Variants in KIAA2012 observed in about 807,000 individuals in gnomAD.
The protein encoded by KIAA2012 is uncharacterized protein KIAA2012.
Under a neutral mutation model 150.6 loss-of-function variants are expected in KIAA2012, and 125 were observed. That is an observed-to-expected ratio of 0.83 (90% CI 0.72 to 0.96). KIAA2012 has a LOEUF of 0.96. Ranked by LOEUF, KIAA2012 falls within the 40% of genes least tolerant of loss-of-function variation. The pLI is 0.00. For synonymous variants in KIAA2012, 462 were observed against 504.7 expected (o/e 0.92, Z 1.13); for missense variants, 1,219 against 1,354.9 (o/e 0.90, Z 1.57).
chr2:202,112,270 A>G (rs1369052760), intron 10 of KIAA2012, among the ~76,000 whole-genome samples: 2 of 152,198 alleles, frequency 1.3e-5, no homozygotes, highest in South Asian at 2.1e-4. Flanking sequence ...TTAGCTGTTG[A>G]CCACGAATTG....
intron 22 of KIAA2012, chr2:202,201,805 G>C: frequency 7.7e-7 from 1 of 1,300,718 alleles, no homozygotes; most frequent in East Asian, 2.3e-5. Flanking sequence ...TGAGAAAGAT[G>C]CAAGGTCTGA....
chr2:202,113,750 GC>G (rs1195739157), intron 11 of KIAA2012: 1 of 283,076 alleles, frequency 3.5e-6, no homozygotes, highest in Non-Finnish European at 6.7e-6. Flanking sequence ...TTTGGTATTT[GC>G]CCAAACTAAA....
chr2:202,192,550 C>T (rs538236055), intron 19 of KIAA2012, among the ~76,000 whole-genome samples: 147 of 151,664 alleles, frequency 9.7e-4, no homozygotes, highest in African/African-American at 3.1e-3. Flanking sequence ...CTCTGCCTCC[C>T]GGGTTCAAGC....
intron 14 of KIAA2012, among the ~76,000 whole-genome samples, chr2:202,164,331 G>A (rs1183278827): frequency 2.6e-5 from 4 of 152,182 alleles, no homozygotes; most frequent in African/African-American, 9.7e-5. Context: ...ACTCACCCTA[G>A]AAGCCTTAAA....
intron 19 of KIAA2012, among the ~76,000 whole-genome samples, chr2:202,191,101 AGCCC>A (rs1303985042): frequency 5.9e-5 from 9 of 152,010 alleles, no homozygotes; most frequent in Non-Finnish European, 1.5e-5. Context: ...ACATAGGGAA[AGCCC>A]GTTTCTACTA....
At chr2:202,136,510 C>T (rs1691064959) in intron 12 of KIAA2012, 1 of 152,578 alleles carries the variant, frequency 6.6e-6, no homozygotes. Context: ...CCCACCCCAC[C>T]CAGAAGCCCA....
At chr2:202,171,600 C>G (rs1239743094) in intron 15 of KIAA2012, among the ~76,000 whole-genome samples, 2 of 151,954 alleles carry the variant, frequency 1.3e-5, no homozygotes, top group South Asian at 4.1e-4. Context: ...CTTTTCCTCT[C>G]TGTGGTGGCT....
At chr2:202,148,950 T>C (rs911348075) in intron 13 of KIAA2012, among the ~76,000 whole-genome samples, 1 of 152,144 alleles carries the variant, frequency 6.6e-6, no homozygotes, top group Non-Finnish European at 1.5e-5. Flanking sequence ...CAGCCCCACG[T>C]CTGGCCCCAT....
intron 11 of KIAA2012, among the ~76,000 whole-genome samples, chr2:202,118,926 ACTTC>A (rs1289888125): frequency 1.3e-5 from 2 of 152,208 alleles, no homozygotes; most frequent in Non-Finnish European, 2.9e-5. Flanking sequence ...AAACATAAAG[ACTTC>A]CCTACCTCAT....
intron 19 of KIAA2012, among the ~76,000 whole-genome samples, chr2:202,192,543 T>C (rs113299267): frequency 0.048 from 7,263 of 150,906 alleles, 600 homozygotes; most frequent in African/African-American, 0.17. Flanking sequence ...CCGCAACCTC[T>C]GCCTCCCGGG....
intron 18 of KIAA2012, among the ~76,000 whole-genome samples, chr2:202,188,995 A>G (rs951904954): frequency 1.3e-5 from 2 of 152,198 alleles, no homozygotes; most frequent in East Asian, 1.9e-4. Flanking sequence ...AAGGACAACA[A>G]TGGATACACT....
chr2:202,145,637 C>A (rs1691278095), intron 13 of KIAA2012, among the ~76,000 whole-genome samples: 1 of 148,498 alleles, frequency 6.7e-6, no homozygotes, highest in African/African-American at 2.5e-5. Context: ...ACATACCTAT[C>A]ACAAGCTTTA....
chr2:202,093,259 T>C (rs1231397167), intron 4 of KIAA2012, 74 bp downstream of exon 4: 9 of 1,457,958 alleles, frequency 6.2e-6, no homozygotes, highest in Non-Finnish European at 8.4e-6. Context: ...TAAAATGGCA[T>C]TTCCCAAAAC....
chr2:202,094,808 C>T (rs574764948), intron 4 of KIAA2012, among the ~76,000 whole-genome samples: 6 of 152,260 alleles, frequency 3.9e-5, no homozygotes, highest in African/African-American at 1.4e-4. Flanking sequence ...CATGAGTCAC[C>T]GCTCTCGGCC....
At chr2:202,169,431 GA>G (rs1185410642) in intron 15 of KIAA2012, among the ~76,000 whole-genome samples, 5 of 152,260 alleles carry the variant, frequency 3.3e-5, no homozygotes, top group Non-Finnish European at 7.4e-5. Flanking sequence ...CCACCAGCCA[GA>G]ACCTGCACCT....
intron 15 of KIAA2012, among the ~76,000 whole-genome samples, chr2:202,175,875 A>G (rs769350978): frequency 1.3e-5 from 2 of 152,256 alleles, no homozygotes; most frequent in Non-Finnish European, 2.9e-5. Flanking sequence ...ACTGTGTGCT[A>G]TTGGCTTAGA....
chr2:202,113,575 C>A, intron 11 of KIAA2012, 129 bp downstream of exon 11: 1 of 627,846 alleles, frequency 1.6e-6, no homozygotes, highest in Non-Finnish European at 2.8e-6. Context: ...CAGTTTCTCC[C>A]CTTTCACCGA....
chr2:202,098,314 C>A (rs1000925027), intron 5 of KIAA2012, among the ~76,000 whole-genome samples: 1 of 152,140 alleles, frequency 6.6e-6, no homozygotes, highest in Admixed American at 6.5e-5. Flanking sequence ...AAGCCAAGAT[C>A]GCACCACTGC....
rs1164399354 is a variant in KIAA2012, at chr2:202,154,679, C to A, written c.1915C>A (p.Gln639Lys). The A allele has an allele frequency of 5.8e-6, 9 of 1,543,976 alleles. No individual in the cohort carries two copies. Among genetic ancestry groups the A allele is most frequent in the Middle Eastern group, 1.7e-4 (1 of 5,950 alleles). Residue 639 changes from glutamine (Q) to lysine (K), a missense_variant, in exon 14 of 24, where the codon CAG becomes AAG. Transcript: ENST00000498697. ...TTTCTGCTTCTCTTCACAGGGAGCC[C>A]AGCAGTCCTTGGAGGCAGCAGCTCA... ...LTQTTEKQGA[Q>K]QSLEAAAQKT...
Sources: allele counts gnomAD v4.1 joint callset (sites outside exome capture counted in the v4.1 genomes callset), GRCh38; gene constraint gnomAD v4.1.1; transcripts MANE v1.5; gene names NCBI Gene and HGNC (gene_info 2026-07-23, HGNC 2026-07-21).